The following CC2D2B variants were observed in gnomAD, a reference collection of about 807,000 sequenced individuals.
The protein encoded by CC2D2B is coiled-coil and C2 domain containing 2B.
A neutral mutation model predicts 161.2 loss-of-function variants in CC2D2B; 128 were observed. The ratio of observed to expected loss-of-function variants is 0.79; its 90% confidence interval spans 0.69 to 0.92. CC2D2B has a LOEUF of 0.92. CC2D2B is among the 40% of genes least tolerant of loss of function. CC2D2B has a pLI of 0.00. For synonymous variants in CC2D2B, 391 were observed against 449.8 expected (o/e 0.87, Z 1.65); for missense variants, 1,173 against 1,375.1 (o/e 0.85, Z 2.32).
At position 95,911,320 on chromosome 10, in the gene CC2D2B, C is replaced by T. The variant is rs564916962; in HGVS notation, c.-4C>T. On this transcript the variant is annotated 5_prime_UTR_variant, in exon 2 of 35. Coordinates refer to ENST00000646931, the MANE Select transcript of CC2D2B (RefSeq NM_001349008.3). Reference sequence around the variant, plus strand: ...ATTTAGAAAGTTGAAATAAAAGGACCATCATGAAAAAATCTCAAAGAGAAG... The same window carrying T: ...ATTTAGAAAGTTGAAATAAAAGGACTATCATGAAAAAATCTCAAAGAGAAG... The T allele has an allele frequency of 1.2e-5, 3 of 242,390 alleles. No individual in the cohort carries two copies. The highest frequency in any genetic ancestry group is 2.3e-5 in the Non-Finnish European group (3 of 129,016). 15.0% of individuals were successfully genotyped at this position (242,390 alleles called of 1,614,324 possible). A position where few individuals can be genotyped will look rare whatever the true frequency, so the allele number is the denominator to read the frequency against.
intron 9 of CC2D2B, among the ~76,000 whole-genome samples, chr10:95,947,299 G>A (rs1361450749): frequency 1.3e-5 from 2 of 150,616 alleles, no homozygotes; most frequent in Admixed American, 1.3e-4. Flanking sequence ...TTTTAGTAGA[G>A]ATGGGGTTTT....
chr10:96,014,773 A>G (rs2141876788), intron 29 of CC2D2B, among the ~76,000 whole-genome samples: 1 of 152,306 alleles, frequency 6.6e-6, no homozygotes, highest in South Asian at 2.1e-4. Flanking sequence ...TATAAAATCC[A>G]GAACCTCCTT....
intron 22 of CC2D2B, among the ~76,000 whole-genome samples, chr10:95,993,851 T>TATAG (rs756844236): frequency 0.021 from 2,082 of 98,032 alleles, 57 homozygotes; most frequent in Admixed American, 0.063. Context: ...TATATATATA[T>TATAG]AGAGAGAGAG....
At chr10:96,001,402 T>C (rs2078489043) in intron 24 of CC2D2B, among the ~76,000 whole-genome samples, 1 of 152,234 alleles carries the variant, frequency 6.6e-6, no homozygotes, top group South Asian at 2.1e-4. Context: ...GAATATTTTA[T>C]ATTTCATGTT....
At chr10:95,992,393 A>G in intron 21 of CC2D2B, 134 bp from the exon 22 acceptor site, 1 of 642,824 alleles carries the variant, frequency 1.6e-6, no homozygotes, top group Non-Finnish European at 2.2e-6. Flanking sequence ...TGAGTTTAAG[A>G]CAATTCTGTC....
chr10:95,928,965 C>G (rs889608164), intron 6 of CC2D2B, among the ~76,000 whole-genome samples: 1 of 152,086 alleles, frequency 6.6e-6, no homozygotes, highest in Non-Finnish European at 1.5e-5. Flanking sequence ...GTTCTAGATC[C>G]TTAGGGAATT....
intron 2 of CC2D2B, chr10:95,913,363 T>C (rs1381040345): frequency 2.6e-6 from 1 of 378,698 alleles, no homozygotes; most frequent in Non-Finnish European, 5.2e-6. Flanking sequence ...TATCCATTTA[T>C]CTGTTGATGG....
intron 34 of CC2D2B, among the ~76,000 whole-genome samples, chr10:96,028,115 C>A (rs1296039125): frequency 1.3e-5 from 2 of 151,886 alleles, no homozygotes; most frequent in Non-Finnish European, 2.9e-5. Flanking sequence ...CACAGGCAAC[C>A]AAAGAAAAAA....
chr10:95,988,519 T>C (rs1490613051), intron 20 of CC2D2B, among the ~76,000 whole-genome samples, 177 bp downstream of exon 20: 1 of 152,234 alleles, frequency 6.6e-6, no homozygotes, highest in Non-Finnish European at 1.5e-5. Flanking sequence ...AGAGTTAGGT[T>C]ACTTCATTGA....
chr10:95,923,100 G>A (rs745888899), intron 3 of CC2D2B, among the ~76,000 whole-genome samples: 38 of 152,060 alleles, frequency 2.5e-4, no homozygotes, highest in Non-Finnish European at 4.4e-4. Context: ...TTACAGGCAT[G>A]TGCCACCACG....
intron 11 of CC2D2B, among the ~76,000 whole-genome samples, chr10:95,958,023 C>G (rs1022782132): frequency 5.4e-5 from 8 of 148,506 alleles, no homozygotes; most frequent in Admixed American, 3.4e-4. Context: ...ATGGCCAACT[C>G]AAAGGAAAAG....
intron 22 of CC2D2B, among the ~76,000 whole-genome samples, chr10:95,994,040 T>C (rs921865964): frequency 7.1e-6 from 1 of 140,168 alleles, no homozygotes. Flanking sequence ...ATTCTCCCTG[T>C]GTGCAGAGAC....
intron 22 of CC2D2B, among the ~76,000 whole-genome samples, chr10:95,993,938 GTGTGTATGTATGTGTATATA>G (rs1447964052): frequency 2.6e-4 from 10 of 38,328 alleles, no homozygotes; most frequent in African/African-American, 1.5e-3. Context: ...GTGTGTGTGT[GTGTGTATGTATGTGTATATA>G]TATATATATA....
chr10:95,915,869 T>A (rs2098515378), intron 2 of CC2D2B, among the ~76,000 whole-genome samples: 1 of 152,206 alleles, frequency 6.6e-6, no homozygotes, highest in Non-Finnish European at 1.5e-5. Context: ...TTTTCTTTTT[T>A]TGATGTCACT....
chr10:96,004,274 A>C (rs745800352), intron 25 of CC2D2B, 26 bp downstream of exon 25: 5 of 1,172,112 alleles, frequency 4.3e-6, no homozygotes, highest in African/African-American at 3.2e-5. Context: ...TACAATAGCC[A>C]ATGCTGAAAT....
chr10:96,029,288 A>ATATATG (rs2079953017), intron 34 of CC2D2B, among the ~76,000 whole-genome samples: 1 of 74,484 alleles, frequency 1.3e-5, no homozygotes, highest in Non-Finnish European at 2.5e-5. Context: ...ATATATATGT[A>ATATATG]TATATATATA....
intron 19 of CC2D2B, among the ~76,000 whole-genome samples, chr10:95,987,355 A>T (rs1049097028): frequency 6.6e-6 from 1 of 152,128 alleles, no homozygotes; most frequent in African/African-American, 2.4e-5. Flanking sequence ...GTGATATGAA[A>T]TGGCAATATA....
At chr10:95,977,298 C>G (rs1342623344) in intron 17 of CC2D2B, among the ~76,000 whole-genome samples, 1 of 152,124 alleles carries the variant, frequency 6.6e-6, no homozygotes, top group Non-Finnish European at 1.5e-5. Flanking sequence ...TCGCTTGAAC[C>G]TGGGAAGCGG....
In CC2D2B at chr10:96,019,219, T is replaced by C. The variant is rs373032981; in HGVS notation, c.3647T>C (p.Val1216Ala). 3.1e-6 allele frequency: 5 copies of C among 1,606,674 alleles called. No individual in the cohort carries two copies. Among genetic ancestry groups the C allele is most frequent in the Non-Finnish European group, 4.2e-6 (5 of 1,177,648 alleles). The change falls in exon 31 of 35, where the codon GTA (valine) becomes GCA (alanine). Residue 1216 changes from valine (V) to alanine (A), a missense_variant. Around this residue, in one of 3 missense-constraint regions of CC2D2B, gnomAD observed 598 missense variants for 693.2 expected, o/e 0.86. Coordinates refer to ENST00000646931, the MANE Select transcript of CC2D2B (RefSeq NM_001349008.3). ...TSVLEGHVAY[V>A]VTQETNEYLL... ...CTCATACAGGGGCATGTGGCTTATGTAGTAACTCAAGAAACTAATGAATAT... is the reference window on the plus strand; with the variant it reads ...CTCATACAGGGGCATGTGGCTTATGCAGTAACTCAAGAAACTAATGAATAT...
Sources: gnomAD v4.1 joint callset for allele counts (sites outside exome capture counted in the v4.1 genomes callset) on GRCh38, gnomAD v4.1.1 for gene constraint, gnomAD v4.1.1 regional missense constraint, MANE v1.5 for transcripts, NCBI Gene and HGNC (gene_info 2026-07-23, HGNC 2026-07-21) for gene names.